The following SIRPA variants were observed in gnomAD, a reference collection of about 807,000 sequenced individuals.
SIRPA encodes signal regulatory protein alpha.
In SIRPA, 9 loss-of-function variants were observed where a neutral mutation model predicts 50.3. The ratio of observed to expected loss-of-function variants is 0.18; its 90% CI spans 0.11 to 0.31. SIRPA has a LOEUF of 0.31. Among genes scored for constraint, SIRPA ranks in the 10% least tolerant of loss-of-function variants. The pLI, the probability that SIRPA is intolerant of heterozygous loss-of-function variation, is 1.00. For missense variants in SIRPA, 474 were observed against 661.6 expected (o/e 0.72, Z 3.11); for synonymous variants, 265 against 284.1 (o/e 0.93, Z 0.68).
intron 1 of SIRPA, among the ~76,000 whole-genome samples, chr20:1,901,295 C>T (rs1057408871): frequency 1.3e-5 from 2 of 151,440 alleles, no homozygotes; most frequent in Non-Finnish European, 2.9e-5. Context: ...CTCAGCCTCC[C>T]CAGTAGCTAG....
At chr20:1,921,787 C>T (rs1037264363) in intron 3 of SIRPA, 75 bp downstream of exon 3, 5 of 1,575,438 alleles carry the variant, frequency 3.2e-6, no homozygotes, top group Non-Finnish European at 4.4e-6. Flanking sequence ...ACTCATCCAG[C>T]TCTACTCTTG....
intron 1 of SIRPA, among the ~76,000 whole-genome samples, chr20:1,914,530 A>G (rs1026978572): frequency 1.3e-5 from 2 of 150,742 alleles, no homozygotes; most frequent in African/African-American, 4.9e-5. Flanking sequence ...CCAGGTGGGG[A>G]CTCAAACACA....
Position 1,936,439 on chromosome 20 carries a change from C to T in SIRPA, c.1267-881C>T, listed in dbSNP as rs1370403629. Among the ~76,000 whole-genome samples, 4 of 152,186 alleles carry T rather than the reference C, an allele frequency of 2.6e-5. No homozygotes were observed. Among genetic ancestry groups the T allele is most frequent in the African/African-American group, 7.2e-5 (3 of 41,452 alleles). On this transcript the variant is annotated intron_variant, in intron 7 of 7. Coordinates refer to ENST00000358771, the MANE Select transcript of SIRPA (RefSeq NM_001040023.2). This position sits in a 1 kb window ranked among gnomAD's most constrained non-coding sequence, Gnocchi z 4.2. ...AGACACTATTATCATCCCCTCTTTA[C>T]AGATGGAGAAACTGAGGCCCAGAGA...
At chr20:1,900,622 G>A (rs1428714054) in intron 1 of SIRPA, among the ~76,000 whole-genome samples, 1 of 152,222 alleles carries the variant, frequency 6.6e-6, no homozygotes, top group Non-Finnish European at 1.5e-5. Flanking sequence ...GCGGCCAGAA[G>A]AACAGAGAGA....
intron 1 of SIRPA, among the ~76,000 whole-genome samples, chr20:1,908,229 A>G (rs1190597803): frequency 2.0e-5 from 3 of 152,022 alleles, no homozygotes; most frequent in Non-Finnish European, 2.9e-5. Flanking sequence ...ACTCCCGAAC[A>G]CAGGCACACG....
Position 1,937,214 on chromosome 20 carries a change from CGA to C in SIRPA, c.1267-102_1267-101del. On this transcript the variant is annotated intron_variant, in intron 7 of 7. Coordinates refer to ENST00000358771, the MANE Select transcript of SIRPA (RefSeq NM_001040023.2). The surrounding 1 kb of genome is among the most constrained non-coding windows in gnomAD (Gnocchi z 8.3). ...GACTTATGGCTGAGCCAGTGTGGGC[CGA>C]GAGGACACAGAAGCATCCAGACTTG... 7.4e-7 allele frequency: 1 copy of C among 1,356,854 alleles called. No individual in the cohort carries two copies. Among genetic ancestry groups the C allele is most frequent in the Non-Finnish European group, 1.0e-6 (1 of 984,376 alleles). 84.1% of individuals were successfully genotyped at this position (1,356,854 alleles called of 1,614,324 possible).
chr20:1,937,593 C>G lies in SIRPA; in HGVS notation c.*25C>G. On this transcript the variant is annotated 3_prime_UTR_variant, in exon 8 of 8. Coordinates refer to ENST00000358771, the MANE Select transcript of SIRPA (RefSeq NM_001040023.2). The surrounding 1 kb of genome is among the most constrained non-coding windows in gnomAD (Gnocchi z 8.3). ...AATGGGACCGTGGTTTGCTCTAGCA[C>G]CCATCTCTACGCGCTTTCTTGTCCC... The G allele has an allele frequency of 1.9e-6, 3 of 1,609,736 alleles. No individual in the cohort carries two copies. Among genetic ancestry groups the G allele is most frequent in the South Asian group, 2.2e-5 (2 of 90,898 alleles).
In SIRPA at chr20:1,900,758, G is replaced by C. The variant is rs887958719; in HGVS notation, c.79+5232G>C. ...CTGGAACTTTCCACTGTTTCAGCCA[G>C]AAATCTGACAGGATCCCGAATTCCC... On this transcript the variant is annotated intron_variant, in intron 1 of 7. Coordinates refer to ENST00000358771, the MANE Select transcript of SIRPA (RefSeq NM_001040023.2). Among the ~76,000 whole-genome samples the C allele has an allele frequency of 5.9e-5, 9 of 152,238 alleles. No individual in the cohort carries two copies. In the East Asian group the frequency reaches 1.7e-3, roughly 29 times the overall value.
At chr20:1,915,804 G>A (rs1985247999) in intron 2 of SIRPA, among the ~76,000 whole-genome samples, 1 of 152,216 alleles carries the variant, frequency 6.6e-6, no homozygotes, top group African/African-American at 2.4e-5. Flanking sequence ...CCTCCAGAGA[G>A]CACTTCCCTC....
intron 1 of SIRPA, among the ~76,000 whole-genome samples, chr20:1,913,709 T>C (rs575277200): frequency 6.6e-6 from 1 of 152,378 alleles, no homozygotes; most frequent in African/African-American, 2.4e-5. Flanking sequence ...CATGTGTTTC[T>C]CTGAGGTCTT....
At chr20:1,929,640 GGCCTCCTGGTCTGAGCCCTGCCCA>G (rs1158937004) in intron 6 of SIRPA, among the ~76,000 whole-genome samples, 2 of 152,002 alleles carry the variant, frequency 1.3e-5, no homozygotes, top group Non-Finnish European at 2.9e-5. Context: ...CTCCACAGGG[GGCCTCCTGGTCTGAGCCCTGCCCA>G]GCCTCCTGGC....
Position 1,921,408 on chromosome 20 carries a change from C to T in SIRPA, c.450C>T (p.Ala150=). Residue 150 remains alanine (A), a synonymous_variant, in exon 3 of 8, where the codon GCC becomes GCT. Transcript: ENST00000358771. ...GTCCTTTTGTAGCCAAACCCTCTGC[C>T]CCCGTGGTATCGGGCCCTGCGGCGA... ...TELSVRAKPS[A]PVVSGPAARA... is the part of the protein sequence containing the mutation. The T allele has an allele frequency of 6.2e-7, 1 of 1,613,500 alleles. No individual in the cohort carries two copies. The highest frequency in any genetic ancestry group is 1.7e-5 in the Admixed American group (1 of 60,018).
chr20:1,914,425 CA>C (rs1228167715), intron 1 of SIRPA, among the ~76,000 whole-genome samples: 1 of 151,680 alleles, frequency 6.6e-6, no homozygotes, highest in Non-Finnish European at 1.5e-5. Context: ...AACTATTTTA[CA>C]GATGAAGAAA....
At chr20:1,907,111 TG>T (rs1379881638) in intron 1 of SIRPA, among the ~76,000 whole-genome samples, 1 of 152,180 alleles carries the variant, frequency 6.6e-6, no homozygotes, top group Non-Finnish European at 1.5e-5. Context: ...ACTGCATGGA[TG>T]GGGCCACCAG....
chr20:1,929,570 C>T (rs1434573032), intron 6 of SIRPA, among the ~76,000 whole-genome samples: 1 of 152,094 alleles, frequency 6.6e-6, no homozygotes, highest in Non-Finnish European at 1.5e-5. Context: ...GTGCCCCGCT[C>T]CTGCCCAGCA....
rs140079423 is a variant in SIRPA at position 1,924,856 on chromosome 20, G to A, written c.1180G>A (p.Val394Ile). The A allele has an allele frequency of 2.1e-5, 34 of 1,614,050 alleles. No individual in the cohort carries two copies. Among genetic ancestry groups the A allele is most frequent in the Middle Eastern group, 1.6e-4 (1 of 6,062 alleles). Reference protein sequence around the residue: ...VALLMAALYLVRIRQKKAQGS... With the variant: ...VALLMAALYLIRIRQKKAQGS... ...CCTACTGATGGCGGCCCTCTACCTC[G>A]TCCGAATCAGACAGAAGAAAGGTGG... The change falls in exon 5 of 8, where the codon GTC (valine) becomes ATC (isoleucine). Residue 394 changes from valine to isoleucine, a missense_variant. Transcript: ENST00000358771. This position sits in a 1 kb window ranked among gnomAD's most constrained non-coding sequence, Gnocchi z 4.5.
chr20:1,937,547 C>T lies in SIRPA; in HGVS notation c.1494C>T (p.Ser498=), dbSNP rs763732085. The T allele has an allele frequency of 5.8e-5, 94 of 1,614,126 alleles. No individual in the cohort carries two copies. Among genetic ancestry groups the T allele is most frequent in the Non-Finnish European group, 7.7e-5 (91 of 1,180,012 alleles). The stretch of plus-strand genomic sequence containing the variant: ...AGCCGTCCTTCTCAGAGTACGCCAG[C>T]GTCCAGGTCCCGAGGAAGTGAATGG... ...KPEPSFSEYA[S]VQVPRK Residue 498 remains serine (S), a synonymous_variant, in exon 8 of 8, where the codon AGC becomes AGT. Transcript: ENST00000358771. This position sits in a 1 kb window ranked among gnomAD's most constrained non-coding sequence, Gnocchi z 8.3.
chr20:1,898,824 A>AT lies in SIRPA; in HGVS notation c.79+3298_79+3299insT, dbSNP rs2122959710. Reference sequence around the variant, plus strand: ...GCCTGCTGAGGGTGGAAATACTGACAGCCCCTTGGTCCTCACCAGTAACAA... The same window carrying AT: ...GCCTGCTGAGGGTGGAAATACTGACATGCCCCTTGGTCCTCACCAGTAACAA... On this transcript the variant is annotated intron_variant, in intron 1 of 7. Transcript: ENST00000358771. The surrounding 1 kb of genome is among the most constrained non-coding windows in gnomAD (Gnocchi z 4.3). Among the ~76,000 whole-genome samples, 1 of 152,202 alleles carries AT rather than the reference A, an allele frequency of 6.6e-6. No individual in the cohort carries two copies. The highest frequency in any genetic ancestry group is 1.5e-5 in the Non-Finnish European group (1 of 68,014).
intron 6 of SIRPA, among the ~76,000 whole-genome samples, chr20:1,929,164 G>A (rs558467709): frequency 1.1e-4 from 17 of 152,192 alleles, no homozygotes; most frequent in East Asian, 3.9e-4. Flanking sequence ...GATTTTATCC[G>A]CAGTGGGATG....
Sources: gnomAD v4.1 joint callset for allele counts (sites outside exome capture counted in the v4.1 genomes callset) on GRCh38, gnomAD v4.1.1 for gene constraint, Gnocchi (gnomAD v3.1) non-coding constraint, MANE v1.5 for transcripts, NCBI Gene and HGNC (gene_info 2026-07-23, HGNC 2026-07-21) for gene names.